RABGAP1L: variants seen among roughly 807,000 people sequenced by gnomAD.
RABGAP1L encodes rab GTPase-activating protein 1-like.
In RABGAP1L, 63 loss-of-function variants were observed where a neutral mutation model predicts 137.7. The observed-to-expected ratio is 0.46, with a 90% CI of 0.37 to 0.56. The LOEUF (loss-of-function observed/expected upper bound fraction) is 0.56, where lower values mean the gene tolerates loss of function less well. Ranked by LOEUF, RABGAP1L falls within the 20% of genes least tolerant of loss-of-function variation. The probability of loss-of-function intolerance (pLI) is 0.00; values close to 1 mark genes in which losing one functional copy is unlikely to be tolerated. For missense variants in RABGAP1L, 1,095 were observed against 1,244.0 expected (o/e 0.88, Z 1.80); for synonymous variants, 431 against 433.7 (o/e 0.99, Z 0.08).
intron 13 of RABGAP1L, among the ~76,000 whole-genome samples, chr1:174,402,481 AAAG>A (rs1197984864): frequency 6.6e-6 from 1 of 152,182 alleles, no homozygotes; most frequent in African/African-American, 2.4e-5. Context: ...AGTGAGTAAG[AAAG>A]AAGTTCTAAA....
Position 174,214,898 on chromosome 1 carries a change from T to A in RABGAP1L, c.-33-4227T>A, listed in dbSNP as rs141209357. Among the ~76,000 whole-genome samples the A allele has an allele frequency of 3.3e-5, 5 of 152,284 alleles. No homozygotes were observed. The East Asian group carries it at 7.7e-4, about 24-fold the overall frequency. ...ACTATGAAGCTACTAAGAGAAATTA[T>A]TGGGAAACTCTCCAGGACGTTGGAC... is the stretch of plus-strand genomic sequence containing the variant. On this transcript the variant is annotated intron_variant, in intron 1 of 25. Coordinates refer to ENST00000681986, the MANE Select transcript of RABGAP1L (RefSeq NM_001366446.1).
chr1:174,447,913 G>A (rs1038876051), intron 13 of RABGAP1L, among the ~76,000 whole-genome samples: 2 of 4,152 alleles, frequency 4.8e-4, no homozygotes, highest in South Asian at 3.4e-3. Flanking sequence ...CCCCCCGCCC[G>A]AAAGCTGAGG....
At chr1:174,838,144 G>C (rs1211004511) in intron 19 of RABGAP1L, among the ~76,000 whole-genome samples, 1 of 152,170 alleles carries the variant, frequency 6.6e-6, no homozygotes, top group African/African-American at 2.4e-5. Context: ...TTACGTGTAA[G>C]TATAAAAGAA....
intron 13 of RABGAP1L, among the ~76,000 whole-genome samples, chr1:174,575,277 C>CCCATCTTT (rs1390201292): frequency 6.6e-6 from 1 of 152,080 alleles, no homozygotes; most frequent in Non-Finnish European, 1.5e-5. Context: ...AACTTTTTAC[C>CCCATCTTT]TGGATAATAT....
intron 19 of RABGAP1L, among the ~76,000 whole-genome samples, chr1:174,832,881 C>A (rs1008013544): frequency 6.6e-6 from 1 of 152,346 alleles, no homozygotes; most frequent in East Asian, 1.9e-4. Flanking sequence ...ACCACCATAG[C>A]AATAATGTCC....
chr1:174,362,757 G>A (rs376011970), intron 11 of RABGAP1L, among the ~76,000 whole-genome samples: 24 of 152,224 alleles, frequency 1.6e-4, no homozygotes, highest in Non-Finnish European at 2.2e-4. Flanking sequence ...GTGTTTTGTT[G>A]TTGTTGTTTT....
chr1:174,650,556 G>T (rs1675388123), intron 14 of RABGAP1L, among the ~76,000 whole-genome samples: 2 of 152,158 alleles, frequency 1.3e-5, no homozygotes, highest in South Asian at 4.1e-4. Context: ...TCCTGGTTTA[G>T]TCTTGGGAGG....
intron 10 of RABGAP1L, among the ~76,000 whole-genome samples, chr1:174,281,521 C>A (rs1041984755): frequency 6.6e-6 from 1 of 152,182 alleles, no homozygotes; most frequent in Non-Finnish European, 1.5e-5. Context: ...TCCCACCCGA[C>A]CCAGAAGCCC....
chr1:174,840,820 A>T (rs1327216982), intron 19 of RABGAP1L, among the ~76,000 whole-genome samples: 5 of 85,076 alleles, frequency 5.9e-5, no homozygotes, highest in African/African-American at 1.4e-4. Context: ...TGTCTCAAAA[A>T]AAAAAATAAA....
In RABGAP1L at chr1:174,309,725, CTT is replaced by C. The variant is rs1015204876; in HGVS notation, c.1465+4602_1465+4603del. On this transcript the variant is annotated intron_variant, in intron 11 of 25. Coordinates refer to ENST00000681986, the MANE Select transcript of RABGAP1L (RefSeq NM_001366446.1). ...ATCCCACTTGATCATGATGAATAAT[CTT>C]TTTAATGTGCTGTTGTGTTTGGTAT... Among the ~76,000 whole-genome samples, 61 of 152,206 alleles carry C rather than the reference CTT, an allele frequency of 4.0e-4. 1 individual carries two copies. Among genetic ancestry groups the C allele is most frequent in the African/African-American group, 1.4e-3 (59 of 41,562 alleles).
intron 13 of RABGAP1L, among the ~76,000 whole-genome samples, chr1:174,613,002 A>C (rs564659132): frequency 2.0e-5 from 3 of 151,644 alleles, no homozygotes; most frequent in Admixed American, 1.3e-4. Flanking sequence ...CCTTTCAAAA[A>C]ACCAGGTCCT....
chr1:174,680,635 G>C (rs1677990293), intron 14 of RABGAP1L, among the ~76,000 whole-genome samples: 1 of 152,088 alleles, frequency 6.6e-6, no homozygotes, highest in Non-Finnish European at 1.5e-5. Context: ...AATTGGGCAG[G>C]CTGTAATCCC....
At chr1:174,160,936 T>A (rs1488876155) in intron 1 of RABGAP1L, among the ~76,000 whole-genome samples, 1 of 152,208 alleles carries the variant, frequency 6.6e-6, no homozygotes, top group Non-Finnish European at 1.5e-5. Context: ...ACTAGAAAAC[T>A]GGCCTGTGAT....
At position 174,500,426 on chromosome 1, in the gene RABGAP1L, G is replaced by A. The variant is rs142097992; in HGVS notation, c.1710+106281G>A. Among the ~76,000 whole-genome samples, 331 of 152,080 alleles carry A rather than the reference G, an allele frequency of 2.2e-3. 1 individual carries two copies. The highest frequency in any genetic ancestry group is 7.5e-3 in the African/African-American group (313 of 41,478). On this transcript the variant is annotated intron_variant, in intron 13 of 25. Transcript: ENST00000681986. Reference sequence around the variant, plus strand: ...ACGCTGTTCATTGTACCACATACTGGCCCCCTCAATGTATCATTCATTTAA... The same window carrying A: ...ACGCTGTTCATTGTACCACATACTGACCCCCTCAATGTATCATTCATTTAA...
At chr1:174,445,347 G>A (rs946221774) in intron 13 of RABGAP1L, among the ~76,000 whole-genome samples, 2 of 152,078 alleles carry the variant, frequency 1.3e-5, no homozygotes, top group Non-Finnish European at 2.9e-5. Context: ...TTAGGTATGT[G>A]TAGCTCAAGC....
chr1:174,650,667 G>T (rs1323487366), intron 14 of RABGAP1L, among the ~76,000 whole-genome samples: 3 of 151,498 alleles, frequency 2.0e-5, no homozygotes, highest in Admixed American at 6.6e-5. Flanking sequence ...ATTTCTGTGG[G>T]ATCGGTGGTG....
intron 23 of RABGAP1L, among the ~76,000 whole-genome samples, chr1:174,979,954 CT>C (rs763531165): frequency 4.8e-4 from 73 of 152,278 alleles, no homozygotes; most frequent in Admixed American, 1.4e-3. Context: ...ACATAGGACT[CT>C]GAAGTCTGAT....
chr1:174,498,478 C>T (rs1470978279), intron 13 of RABGAP1L, among the ~76,000 whole-genome samples: 7 of 151,938 alleles, frequency 4.6e-5, no homozygotes, highest in East Asian at 3.9e-4. Flanking sequence ...TGAAACAAAA[C>T]GTTATTTTAT....
chr1:174,548,568 T>G (rs1666205244), intron 13 of RABGAP1L: 1 of 975,084 alleles, frequency 1.0e-6, no homozygotes, highest in Non-Finnish European at 1.2e-6. Context: ...TTCATCTTTT[T>G]GTGAGATGTA....
Sources: gnomAD v4.1 joint callset for allele counts (sites outside exome capture counted in the v4.1 genomes callset) on GRCh38, gnomAD v4.1.1 for gene constraint, MANE v1.5 for transcripts, NCBI Gene and HGNC (gene_info 2026-07-23, HGNC 2026-07-21) for gene names.